Variants in MMP26 observed in about 807,000 individuals in gnomAD.
MMP26 encodes the protein matrix metalloproteinase-26.
Under a neutral mutation model 31.0 loss-of-function variants are expected in MMP26, and 33 were observed. The ratio of observed to expected loss-of-function variants is 1.06; its 90% CI spans 0.81 to 1.42. The LOEUF is 1.42. Among genes scored for constraint, MMP26 ranks in the 40% most tolerant of loss-of-function variants. The pLI is 0.00. For missense variants in MMP26, 347 were observed against 316.1 expected (o/e 1.10, Z -0.74); for synonymous variants, 122 against 114.9 (o/e 1.06, Z -0.40).
rs1159815541 is a variant in MMP26, at chr11:4,951,940, T to G, written c.-144-36128T>G. 1.6e-5 allele frequency among the ~76,000 whole-genome samples: 2 copies of G among 124,940 alleles called. 1 individual carries two copies. Among genetic ancestry groups the G allele is most frequent in the African/African-American group, 5.4e-5 (2 of 36,772 alleles). The allele number at this position is 124,940 out of a possible 152,430, so 82.0% of individuals were successfully genotyped here. Reference sequence around the variant, plus strand: ...AGAAACAAAACAGAGAGCTGAAGCATGTAAGTTAGCGGTGATAACAACTTC... The same window carrying G: ...AGAAACAAAACAGAGAGCTGAAGCAGGTAAGTTAGCGGTGATAACAACTTC... On this transcript the variant is annotated intron_variant, in intron 2 of 7. Transcript: ENST00000380390.
chr11:4,792,004 T>C (rs966781407), intron 2 of MMP26, among the ~76,000 whole-genome samples: 1 of 152,014 alleles, frequency 6.6e-6, no homozygotes, highest in Non-Finnish European at 1.5e-5. Context: ...AAATCCTGGA[T>C]TTTACCTACT....
intron 2 of MMP26, among the ~76,000 whole-genome samples, chr11:4,936,765 T>A (rs1846119061): frequency 6.6e-6 from 1 of 152,114 alleles, no homozygotes; most frequent in Admixed American, 6.6e-5. Flanking sequence ...AAATAAACAA[T>A]GGAGATATGG....
chr11:4,772,310 T>C (rs1848736742), intron 2 of MMP26, among the ~76,000 whole-genome samples: 1 of 152,188 alleles, frequency 6.6e-6, no homozygotes, highest in Admixed American at 6.5e-5. Flanking sequence ...AATAGAGAGA[T>C]GTACATCATT....
At chr11:4,923,684 G>A in intron 2 of MMP26, 1 of 1,614,046 alleles carries the variant, frequency 6.2e-7, no homozygotes, top group Non-Finnish European at 8.5e-7. Flanking sequence ...GAGGGCGTAT[G>A]AGAGAAAGAT....
rs564840700 is a variant in MMP26, at chr11:4,826,913, T to C, written c.-145+59572T>C. Reference sequence around the variant, plus strand: ...AAAATAAAAAGACAGAAACAGTTAATCCATTGGATCCTTTTTCCCATTGCT... The same window carrying C: ...AAAATAAAAAGACAGAAACAGTTAACCCATTGGATCCTTTTTCCCATTGCT... On this transcript the variant is annotated intron_variant, in intron 2 of 7. Coordinates refer to ENST00000380390, the MANE Select transcript of MMP26 (RefSeq NM_021801.5). Among the ~76,000 whole-genome samples, 37 of 152,214 alleles carry C rather than the reference T, an allele frequency of 2.4e-4. No homozygotes were observed. In the South Asian group the frequency reaches 5.8e-3, roughly 24 times the overall value.
In MMP26 at chr11:4,882,245, G is replaced by C. The variant is rs1266648976; in HGVS notation, c.-144-105823G>C. The C allele has an allele frequency of 3.7e-6, 6 of 1,613,896 alleles. No homozygotes were observed. The East Asian group carries it at 1.3e-4, about 36-fold the overall frequency. Reference sequence around the variant, plus strand: ...TGCTTTCTCCTTGCTGGAGTCCTCGGTGCTGGTAGCCATGGCCTTTGACCG... The same window carrying C: ...TGCTTTCTCCTTGCTGGAGTCCTCGCTGCTGGTAGCCATGGCCTTTGACCG... On this transcript the variant is annotated intron_variant, in intron 2 of 7. Coordinates refer to ENST00000380390, the MANE Select transcript of MMP26 (RefSeq NM_021801.5).
intron 1 of MMP26, chr11:4,724,006 C>G: frequency 1.4e-6 from 1 of 702,524 alleles, no homozygotes; most frequent in African/African-American, 1.7e-5. Context: ...GCCGCTGGAC[C>G]CACCATAACC....
intron 2 of MMP26, among the ~76,000 whole-genome samples, chr11:4,912,211 C>T (rs546125715): frequency 6.6e-6 from 1 of 152,190 alleles, no homozygotes; most frequent in African/African-American, 2.4e-5. Flanking sequence ...CACAGACAGC[C>T]TTGTGGGGTA....
intron 2 of MMP26, among the ~76,000 whole-genome samples, chr11:4,823,491 T>C (rs1230743055): frequency 6.6e-6 from 1 of 152,150 alleles, no homozygotes; most frequent in Admixed American, 6.6e-5. Flanking sequence ...GGTAGGGCTA[T>C]TGTGCCACTG....
chr11:4,714,168 T>G (rs1847895927), intron 1 of MMP26, among the ~76,000 whole-genome samples: 1 of 152,164 alleles, frequency 6.6e-6, no homozygotes, highest in African/African-American at 2.4e-5. Flanking sequence ...AACATTACAC[T>G]TTACACGCCC....
chr11:4,881,734 A>T (rs1850465095), intron 2 of MMP26: 1 of 651,570 alleles, frequency 1.5e-6, no homozygotes, highest in Admixed American at 2.9e-5. Context: ...TTTAGCCTAG[A>T]TATACTATTT....
intron 2 of MMP26, among the ~76,000 whole-genome samples, chr11:4,974,579 C>T (rs539637539): frequency 6.6e-6 from 1 of 152,110 alleles, no homozygotes; most frequent in Non-Finnish European, 1.5e-5. Flanking sequence ...TTACTGATTG[C>T]TTAGAGGAAC....
chr11:4,758,466 G>GAAAAAAAAAAAAAAAAAAAAAAAAAAAAA (rs376347621), intron 1 of MMP26, among the ~76,000 whole-genome samples: 1 of 93,346 alleles, frequency 1.1e-5, no homozygotes, highest in Non-Finnish European at 2.3e-5. Context: ...CATCCATTTG[G>GAAAAAAAAAAAAAAAAAAAAAAAAAAAAA]AAAAAAAAAA....
intron 2 of MMP26, chr11:4,882,180 T>C (rs770079184): frequency 3.7e-6 from 6 of 1,614,002 alleles, no homozygotes; most frequent in Non-Finnish European, 5.1e-6. Flanking sequence ...GCCCGGGAGA[T>C]CAGCTTTAAA....
At chr11:4,965,275 C>A (rs557208457) in intron 2 of MMP26, among the ~76,000 whole-genome samples, 188 of 152,032 alleles carry the variant, frequency 1.2e-3, no homozygotes, top group Non-Finnish European at 2.3e-3. Flanking sequence ...AAGATCACAT[C>A]CTAGCAAGCC....
At chr11:4,934,969 G>A (rs893502916) in intron 2 of MMP26, among the ~76,000 whole-genome samples, 1 of 151,614 alleles carries the variant, frequency 6.6e-6, no homozygotes, top group Non-Finnish European at 1.5e-5. Flanking sequence ...TGCTGTTTTG[G>A]TTACTGTAGC....
At chr11:4,869,398 G>T (rs913378461) in intron 2 of MMP26, among the ~76,000 whole-genome samples, 2 of 152,184 alleles carry the variant, frequency 1.3e-5, no homozygotes, top group African/African-American at 2.4e-5. Context: ...CCATCAAAAA[G>T]TGGGCGAAGG....
chr11:4,886,986 T>G (rs543905416), intron 2 of MMP26, among the ~76,000 whole-genome samples: 2 of 152,158 alleles, frequency 1.3e-5, no homozygotes, highest in South Asian at 4.1e-4. Context: ...ATAAAAATCA[T>G]ATGCACACAA....
At chr11:4,720,404 T>C (rs1203384974) in intron 1 of MMP26, among the ~76,000 whole-genome samples, 1 of 152,230 alleles carries the variant, frequency 6.6e-6, no homozygotes, top group East Asian at 1.9e-4. Context: ...GGATTTATAA[T>C]GCTATGCTTG....
Sources: allele counts gnomAD v4.1 joint callset (sites outside exome capture counted in the v4.1 genomes callset), GRCh38; gene constraint gnomAD v4.1.1; transcripts MANE v1.5; gene names NCBI Gene and HGNC (gene_info 2026-07-23, HGNC 2026-07-21).